The following FANCC variants were observed in gnomAD, a reference collection of about 807,000 sequenced individuals.
FANCC encodes FA complementation group C.
Under a neutral mutation model 71.3 loss-of-function variants are expected in FANCC, and 55 were observed. That is an observed-to-expected ratio of 0.77 (90% CI 0.62 to 0.97). The LOEUF (loss-of-function observed/expected upper bound fraction) is 0.97. Among genes scored for constraint, FANCC ranks in the 50% least tolerant of loss-of-function variants. FANCC has a pLI of 0.00. For missense variants in FANCC, 678 were observed against 670.9 expected, an observed-to-expected ratio of 1.01 and a Z score of -0.12; for synonymous variants, 275 against 244.9, an observed-to-expected ratio of 1.12 and a Z score of -1.15.
chr9:95,101,399 C>T lies in FANCC; in HGVS notation c.*308G>A. On this transcript the variant is annotated 3_prime_UTR_variant, in exon 15 of 15. Coordinates refer to ENST00000289081, the MANE Select transcript of FANCC (RefSeq NM_000136.3). The stretch of plus-strand genomic sequence containing the variant: ...GCTTGACTTGGGTAAAAACTAGAAA[C>T]CTGTTCTCCCACCCAGGCCTTTGCT... The T allele has an allele frequency of 2.2e-6, 1 of 444,670 alleles. No homozygotes were observed. Among genetic ancestry groups the T allele is most frequent in the African/African-American group, 1.9e-5 (1 of 51,862 alleles). The allele number at this position is 444,670 out of a possible 1,614,324, so 27.5% of individuals were successfully genotyped here.
intron 1 of FANCC, among the ~76,000 whole-genome samples, chr9:95,265,558 C>T (rs796755883): frequency 9.8e-5 from 15 of 152,302 alleles, no homozygotes; most frequent in African/African-American, 3.6e-4. Context: ...ACAATCATTA[C>T]TTCCTTTCCT....
intron 4 of FANCC, among the ~76,000 whole-genome samples, chr9:95,238,344 G>A (rs1473266403): frequency 3.9e-5 from 6 of 152,108 alleles, no homozygotes; most frequent in Admixed American, 6.6e-5. Context: ...TAAGTGTATC[G>A]ACATTTAATC....
chr9:95,134,474 T>C (rs1330786577), intron 8 of FANCC, among the ~76,000 whole-genome samples: 1 of 152,132 alleles, frequency 6.6e-6, no homozygotes, highest in Non-Finnish European at 1.5e-5. Context: ...GGAACTCACT[T>C]TCTCCACTTG....
intron 1 of FANCC, among the ~76,000 whole-genome samples, chr9:95,252,387 T>C (rs938671504): frequency 2.0e-5 from 3 of 151,526 alleles, no homozygotes; most frequent in African/African-American, 7.3e-5. Context: ...TCAGTTTAGA[T>C]ATTTGGGAAC....
intron 4 of FANCC, among the ~76,000 whole-genome samples, chr9:95,225,943 T>A (rs1829584895): frequency 6.6e-6 from 1 of 152,180 alleles, no homozygotes; most frequent in Non-Finnish European, 1.5e-5. Flanking sequence ...ATTTTAAAAA[T>A]TCACAATTAG....
intron 1 of FANCC, chr9:95,294,345 C>T: frequency 6.3e-7 from 1 of 1,586,350 alleles, no homozygotes; most frequent in South Asian, 1.1e-5. Context: ...AGTCACTGGA[C>T]ACAGAGACTC....
At chr9:95,316,326 T>C (rs1835737300) in intron 1 of FANCC, among the ~76,000 whole-genome samples, 1 of 152,250 alleles carries the variant, frequency 6.6e-6, no homozygotes, top group South Asian at 2.1e-4. Context: ...TCAATTCAAG[T>C]TTAATGTATA....
intron 12 of FANCC, 114 bp downstream of exon 12, chr9:95,114,515 G>T: frequency 2.1e-6 from 2 of 938,274 alleles, no homozygotes; most frequent in Non-Finnish European, 3.5e-6. Flanking sequence ...TCACCTGTTT[G>T]GTGATGGTCC....
In FANCC at chr9:95,184,834, C is replaced by T. The variant is rs1041505245; in HGVS notation, c.346-12687G>A. Among the ~76,000 whole-genome samples, 17 of 152,206 alleles carry T rather than the reference C, an allele frequency of 1.1e-4. 1 individual carries two copies. The highest frequency in any genetic ancestry group is 1.9e-4 in the East Asian group (1 of 5,202). On this transcript the variant is annotated intron_variant, in intron 4 of 14. Coordinates refer to ENST00000289081, the MANE Select transcript of FANCC (RefSeq NM_000136.3). ...GAGATATGGTTCACAGATACACACA[C>T]GAGTGGTAGACGTGCAAATCCCTCC...
At position 95,099,851 on chromosome 9, in the gene FANCC, C is replaced by T. The variant is rs1043857329; in HGVS notation, c.*1856G>A. The T allele has an allele frequency of 5.6e-5, 13 of 233,120 alleles. No individual in the cohort carries two copies. Among genetic ancestry groups the T allele is most frequent in the African/African-American group, 2.6e-4 (12 of 45,304 alleles). 14.4% of individuals were successfully genotyped at this position (233,120 alleles called of 1,614,324 possible). ...AGGAAGAAGTCTTCCAGATGCCTAG[C>T]TTCACCAGTCCCAGGAGAAGGAAGG... On this transcript the variant is annotated 3_prime_UTR_variant, in exon 15 of 15. Transcript: ENST00000289081.
chr9:95,269,885 G>A (rs989735342), intron 1 of FANCC, among the ~76,000 whole-genome samples: 4 of 151,994 alleles, frequency 2.6e-5, no homozygotes, highest in South Asian at 2.1e-4. Flanking sequence ...AAGGGGACCC[G>A]GGGAACCAGC....
chr9:95,134,162 G>A (rs188470554), intron 8 of FANCC, among the ~76,000 whole-genome samples: 2 of 152,316 alleles, frequency 1.3e-5, no homozygotes, highest in Admixed American at 1.3e-4. Context: ...GGAGGCCAAG[G>A]GGAAGGGTGA....
chr9:95,208,503 A>G (rs1381497624), intron 4 of FANCC, among the ~76,000 whole-genome samples: 1 of 152,240 alleles, frequency 6.6e-6, no homozygotes, highest in Non-Finnish European at 1.5e-5. Context: ...AGGAGAAAAT[A>G]TTTTAAAAAG....
In FANCC at chr9:95,238,712, C is replaced by A. The variant is rs185417100; in HGVS notation, c.345+1937G>T. Among the ~76,000 whole-genome samples the A allele has an allele frequency of 9.7e-3, 1,482 of 152,162 alleles. 16 individuals carry two copies. Among genetic ancestry groups the A allele is most frequent in the Non-Finnish European group, 0.013 (862 of 67,982 alleles). ...TCCCTAGTAGCTGAGAGTACAGGCA[C>A]GTGCCACCATTCCTGGCTAATTTTT... On this transcript the variant is annotated intron_variant, in intron 4 of 14. Transcript: ENST00000289081.
Position 95,101,753 on chromosome 9 carries a change from T to C in FANCC, c.1631A>G (p.Glu544Gly). Residue 544 changes from glutamate to glycine, a missense_variant, in exon 15 of 15, where the codon GAA becomes GGA. Glu to Gly is a moderately conservative substitution (Grantham distance 98). Coordinates refer to ENST00000289081, the MANE Select transcript of FANCC (RefSeq NM_000136.3). ...TTTAAGGAGCTCTCGGGCCAGTTTT[T>C]CTGATCTAGGGCTTTCAATGCCAAG... ...NRLGIESPRS[E>G]KLARELLKEL... is the part of the protein sequence containing the mutation. 1 of 1,614,156 alleles carries C rather than the reference T, an allele frequency of 6.2e-7. No individual in the cohort carries two copies. The highest frequency in any genetic ancestry group is 8.5e-7 in the Non-Finnish European group (1 of 1,180,026).
intron 4 of FANCC, among the ~76,000 whole-genome samples, chr9:95,208,698 A>G (rs1263187557): frequency 6.6e-6 from 1 of 152,206 alleles, no homozygotes; most frequent in Non-Finnish European, 1.5e-5. Context: ...ATACCACTAT[A>G]CACCTATTAA....
chr9:95,241,649 C>G (rs2136054762), intron 3 of FANCC, among the ~76,000 whole-genome samples: 1 of 152,220 alleles, frequency 6.6e-6, no homozygotes, highest in Non-Finnish European at 1.5e-5. Context: ...CTTCTGCAAT[C>G]TAATAAACCC....
At chr9:95,272,772 A>G (rs1464776118) in intron 1 of FANCC, among the ~76,000 whole-genome samples, 1 of 152,238 alleles carries the variant, frequency 6.6e-6, no homozygotes, top group Admixed American at 6.5e-5. Context: ...ACTTACTGGC[A>G]GGATTCTTAG....
intron 14 of FANCC, among the ~76,000 whole-genome samples, chr9:95,102,902 C>T (rs756382095): frequency 8.5e-5 from 13 of 152,328 alleles, no homozygotes; most frequent in South Asian, 2.1e-4. Flanking sequence ...GGCCTGCAGC[C>T]GGCCTGCAAC....
Sources: allele counts gnomAD v4.1 joint callset (sites outside exome capture counted in the v4.1 genomes callset), GRCh38; gene constraint gnomAD v4.1.1; transcripts MANE v1.5; gene names NCBI Gene and HGNC (gene_info 2026-07-23, HGNC 2026-07-21).